Variants in TGFBR2 observed in about 807,000 individuals in gnomAD.
The protein encoded by TGFBR2 is transforming growth factor beta receptor 2, also known as TGF-beta receptor type-2.
TGFBR2 carries 18 observed loss-of-function variants against 49.0 expected under a neutral mutation model. That is an observed-to-expected ratio of 0.37 (90% CI 0.25 to 0.54). The LOEUF is 0.54. Among genes scored for constraint, TGFBR2 ranks in the 20% least tolerant of loss-of-function variants. The pLI, the probability that TGFBR2 is intolerant of heterozygous loss-of-function variation, is 0.85. For synonymous variants in TGFBR2, 282 were observed against 275.9 expected (o/e 1.02, Z -0.22); for missense variants, 525 against 722.6 (o/e 0.73, Z 3.13).
At chr3:30,637,057 C>G (rs1698550021) in intron 1 of TGFBR2, among the ~76,000 whole-genome samples, 1 of 143,812 alleles carries the variant, frequency 7.0e-6, no homozygotes, top group Admixed American at 7.0e-5. Flanking sequence ...GAGCAAGACT[C>G]TGTCTGAAAA....
chr3:30,608,224 A>G (rs1482123392), intron 1 of TGFBR2, among the ~76,000 whole-genome samples: 1 of 152,158 alleles, frequency 6.6e-6, no homozygotes, highest in East Asian at 1.9e-4. Context: ...GGCGTGAGCC[A>G]CCGCGCCCGG....
intron 5 of TGFBR2, among the ~76,000 whole-genome samples, chr3:30,678,702 G>A (rs1333886903): frequency 2.0e-5 from 3 of 152,032 alleles, no homozygotes; most frequent in Admixed American, 6.6e-5. Flanking sequence ...TGGATTTCTC[G>A]GGATGACTGC....
At chr3:30,666,736 A>G (rs1420314283) in intron 3 of TGFBR2, among the ~76,000 whole-genome samples, 1 of 150,930 alleles carries the variant, frequency 6.6e-6, no homozygotes, top group African/African-American at 2.4e-5. Context: ...TCCTGCCTCA[A>G]GTAAAGTAAT....
chr3:30,654,540 T>A (rs1316854215), intron 3 of TGFBR2, among the ~76,000 whole-genome samples: 2 of 152,164 alleles, frequency 1.3e-5, no homozygotes, highest in Non-Finnish European at 2.9e-5. Context: ...TCTCTGAAGA[T>A]TCCCTCCTGC....
At chr3:30,611,534 AT>A (rs1232052060) in intron 1 of TGFBR2, among the ~76,000 whole-genome samples, 1 of 151,956 alleles carries the variant, frequency 6.6e-6, no homozygotes, top group Admixed American at 6.6e-5. Flanking sequence ...CCACTGCAAA[AT>A]TTTAAATAAA....
Position 30,619,970 on chromosome 3 carries a change from G to A in TGFBR2, c.94+12993G>A, listed in dbSNP as rs201657259. Among the ~76,000 whole-genome samples the A allele has an allele frequency of 4.0e-4, 61 of 152,162 alleles. No individual in the cohort carries two copies. The East Asian group carries it at 0.011, about 29-fold the overall frequency. The stretch of plus-strand genomic sequence containing the variant: ...TGGGAGGCCGAGGCGGGCGGATCAC[G>A]AAGTCAGGAGATCGAGACCATCCTC... On this transcript the variant is annotated intron_variant, in intron 1 of 6. Transcript: ENST00000295754.
chr3:30,688,321 C>T (rs1306820908), intron 5 of TGFBR2, 63 bp from the exon 6 acceptor site: 1 of 1,611,706 alleles, frequency 6.2e-7, no homozygotes, highest in Non-Finnish European at 8.5e-7. Context: ...TCTCACCATG[C>T]TCATTTCCTT....
rs540876385 is a variant in TGFBR2 at position 30,623,416 on chromosome 3, C to T, written c.94+16439C>T. ...TTTCATAGCTAAATTGTTAAAGAGG[C>T]GATGGCAGTGTACTCATCAGGAGAC... On this transcript the variant is annotated intron_variant, in intron 1 of 6. Coordinates refer to ENST00000295754, the MANE Select transcript of TGFBR2 (RefSeq NM_003242.6). The T allele has an allele frequency of 8.8e-5, 95 of 1,078,468 alleles. No individual in the cohort carries two copies. In the South Asian group the frequency reaches 1.3e-3, roughly 14 times the overall value. 66.8% of individuals were successfully genotyped at this position (1,078,468 alleles called of 1,614,324 possible).
At chr3:30,629,375 A>C (rs548689161) in intron 1 of TGFBR2, among the ~76,000 whole-genome samples, 30 of 152,266 alleles carry the variant, frequency 2.0e-4, no homozygotes, top group South Asian at 1.7e-3. Context: ...CTCCACTTTC[A>C]TGAACCAGCT....
chr3:30,678,330 G>A (rs1043412243), intron 5 of TGFBR2, among the ~76,000 whole-genome samples: 1 of 152,096 alleles, frequency 6.6e-6, no homozygotes, highest in Non-Finnish European at 1.5e-5. Context: ...GGTGGATCAT[G>A]AGGTCAGGAG....
intron 1 of TGFBR2, among the ~76,000 whole-genome samples, chr3:30,640,363 C>T (rs986457738): frequency 2.6e-5 from 4 of 152,118 alleles, no homozygotes; most frequent in Non-Finnish European, 4.4e-5. Context: ...TAGCTGCTCA[C>T]AGAGAGTCTA....
intron 5 of TGFBR2, among the ~76,000 whole-genome samples, chr3:30,678,193 A>C (rs1417055581): frequency 1.3e-5 from 2 of 152,262 alleles, no homozygotes; most frequent in Non-Finnish European, 2.9e-5. Flanking sequence ...CTGTGACATG[A>C]AAGGCTTATG....
At chr3:30,685,370 G>A (rs1699603008) in intron 5 of TGFBR2, among the ~76,000 whole-genome samples, 1 of 152,212 alleles carries the variant, frequency 6.6e-6, no homozygotes, top group African/African-American at 2.4e-5. Context: ...GATTCACTGA[G>A]ACAAAGGCCT....
At chr3:30,662,711 A>T (rs1699156423) in intron 3 of TGFBR2, among the ~76,000 whole-genome samples, 1 of 151,860 alleles carries the variant, frequency 6.6e-6, no homozygotes, top group Non-Finnish European at 1.5e-5. Context: ...CTCATTCTAC[A>T]CTCCTCCACC....
At chr3:30,632,410 A>G (rs1031279716) in intron 1 of TGFBR2, among the ~76,000 whole-genome samples, 1 of 152,230 alleles carries the variant, frequency 6.6e-6, no homozygotes, top group East Asian at 1.9e-4. Context: ...TTTCAAAACC[A>G]GATTATTTGG....
intron 3 of TGFBR2, among the ~76,000 whole-genome samples, chr3:30,663,603 A>G (rs1273901207): frequency 2.0e-5 from 3 of 152,226 alleles, no homozygotes; most frequent in Non-Finnish European, 4.4e-5. Context: ...GCATACTTGG[A>G]TGATAAAACA....
At chr3:30,669,448 A>G (rs1699301446) in intron 3 of TGFBR2, among the ~76,000 whole-genome samples, 2 of 152,066 alleles carry the variant, frequency 1.3e-5, no homozygotes, top group African/African-American at 4.8e-5. Context: ...TAGAGAAAGG[A>G]GTCTCCAAGC....
intron 1 of TGFBR2, among the ~76,000 whole-genome samples, chr3:30,642,891 G>A (rs1169544799): frequency 6.6e-6 from 1 of 152,068 alleles, no homozygotes; most frequent in Non-Finnish European, 1.5e-5. Context: ...TAGAGCTCTT[G>A]GTCTGGGAGA....
chr3:30,623,341 T>A (rs1698270970), intron 1 of TGFBR2: 2 of 1,557,566 alleles, frequency 1.3e-6, no homozygotes, highest in South Asian at 2.3e-5. Flanking sequence ...ACTGCTTAAT[T>A]TGTAAGTAAA....
Sources: gnomAD v4.1 joint callset for allele counts (sites outside exome capture counted in the v4.1 genomes callset) on GRCh38, gnomAD v4.1.1 for gene constraint, MANE v1.5 for transcripts, NCBI Gene and HGNC (gene_info 2026-07-23, HGNC 2026-07-21) for gene names.